Variants in ABRAXAS2 observed in about 807,000 individuals in gnomAD.
ABRAXAS2 encodes BRISC complex subunit Abraxas 2.
ABRAXAS2 carries 23 observed loss-of-function variants against 49.0 expected under a neutral mutation model. The observed-to-expected ratio is 0.47, with a 90% CI of 0.34 to 0.66. The LOEUF is 0.66. ABRAXAS2 is among the 30% of genes least tolerant of loss of function. The pLI, the probability that ABRAXAS2 is intolerant of heterozygous loss-of-function variation, is 0.01. For missense variants in ABRAXAS2, 443 were observed against 511.9 expected, an observed-to-expected ratio of 0.87 and a Z score of 1.30; for synonymous variants, 168 against 180.2, an observed-to-expected ratio of 0.93 and a Z score of 0.54.
At chr10:124,807,680 A>T (rs1226711943) in intron 2 of ABRAXAS2, among the ~76,000 whole-genome samples, 1 of 152,236 alleles carries the variant, frequency 6.6e-6, no homozygotes, top group Non-Finnish European at 1.5e-5. Context: ...TTATGTCAGT[A>T]TAAAGTCAGA....
chr10:124,807,784 CTTGA>C (rs1223802374), intron 2 of ABRAXAS2, among the ~76,000 whole-genome samples: 1 of 152,182 alleles, frequency 6.6e-6, no homozygotes, highest in East Asian at 1.9e-4. Context: ...TGTGTGACCA[CTTGA>C]TTGATAGTCT....
chr10:124,813,457 C>G (rs1950803810), intron 2 of ABRAXAS2, among the ~76,000 whole-genome samples: 1 of 152,178 alleles, frequency 6.6e-6, no homozygotes, highest in Non-Finnish European at 1.5e-5. Context: ...GCAAGAACAA[C>G]AGTACCACAC....
chr10:124,828,349 C>T (rs1343496856), intron 5 of ABRAXAS2, among the ~76,000 whole-genome samples: 1 of 151,870 alleles, frequency 6.6e-6, no homozygotes, highest in Non-Finnish European at 1.5e-5. Flanking sequence ...CCACGCATGC[C>T]CTTTTTAAAA....
At chr10:124,814,792 G>A (rs1018006452) in intron 2 of ABRAXAS2, among the ~76,000 whole-genome samples, 17 of 151,820 alleles carry the variant, frequency 1.1e-4, no homozygotes, top group African/African-American at 2.9e-4. Context: ...GATTACAGGC[G>A]CGCGCCACCA....
At chr10:124,808,384 G>A (rs1356454765) in intron 2 of ABRAXAS2, among the ~76,000 whole-genome samples, 1 of 152,046 alleles carries the variant, frequency 6.6e-6, no homozygotes, top group Admixed American at 6.6e-5. Context: ...CACCGTGTTA[G>A]CCAGGACGGT....
At position 124,820,692 on chromosome 10, in the gene ABRAXAS2, G is replaced by A. The variant is rs189984717; in HGVS notation, c.267+1242G>A. On this transcript the variant is annotated intron_variant, in intron 4 of 8. Transcript: ENST00000298492. ...AGACAGGGTTTCACCATGTTGCCCAGGCTGGTCTCGAACTCAAGTGATCCA... is the reference window on the plus strand; with the variant it reads ...AGACAGGGTTTCACCATGTTGCCCAAGCTGGTCTCGAACTCAAGTGATCCA... Among the ~76,000 whole-genome samples the A allele has an allele frequency of 4.9e-3, 743 of 151,788 alleles. 7 individuals carry two copies. The highest frequency in any genetic ancestry group is 8.5e-3 in the Non-Finnish European group (578 of 67,924).
chr10:124,829,093 C>T (rs985052617), intron 6 of ABRAXAS2, among the ~76,000 whole-genome samples: 2 of 152,054 alleles, frequency 1.3e-5, no homozygotes, highest in African/African-American at 4.8e-5. Context: ...AATCATTTGC[C>T]ACAATATTTT....
chr10:124,807,312 CAAAAAA>C (rs764661303), intron 2 of ABRAXAS2, among the ~76,000 whole-genome samples: 3 of 34,054 alleles, frequency 8.8e-5, no homozygotes, highest in African/African-American at 1.2e-4. Flanking sequence ...GACTCTGTCT[CAAAAAA>C]AAAAAAAAAA....
In ABRAXAS2 at chr10:124,801,917, C is replaced by A. The variant is rs1209812670; in HGVS notation, c.72+16C>A. ...CGCGGACCACGTAGGTGCCGGGCCC[C>A]CTGCCGCGCCCGCTGGGGGCTTTCA... On this transcript the variant is annotated intron_variant, in intron 1 of 8. Coordinates refer to ENST00000298492, the MANE Select transcript of ABRAXAS2 (RefSeq NM_032182.4). The A allele has an allele frequency of 6.2e-7, 1 of 1,610,912 alleles. No individual in the cohort carries two copies. The highest frequency in any genetic ancestry group is 1.7e-5 in the Admixed American group (1 of 59,862).
chr10:124,811,127 C>T (rs745659638), intron 2 of ABRAXAS2, among the ~76,000 whole-genome samples: 2 of 151,722 alleles, frequency 1.3e-5, no homozygotes, highest in African/African-American at 4.8e-5. Flanking sequence ...AGGAGAATGA[C>T]GTGAACCCGG....
Position 124,813,783 on chromosome 10 carries a change from G to T in ABRAXAS2, c.164-2793G>T, listed in dbSNP as rs140696042. ...CTTTAGCGTGCTTCTAATCCAGTTTGTAAATTTGAAAGAAACTGCTTTGGT... is the reference window on the plus strand; with the variant it reads ...CTTTAGCGTGCTTCTAATCCAGTTTTTAAATTTGAAAGAAACTGCTTTGGT... On this transcript the variant is annotated intron_variant, in intron 2 of 8. Transcript: ENST00000298492. Among the ~76,000 whole-genome samples the T allele has an allele frequency of 8.5e-5, 13 of 152,274 alleles. No individual in the cohort carries two copies. In the East Asian group the frequency reaches 2.3e-3, roughly 27 times the overall value.
At position 124,813,812 on chromosome 10, in the gene ABRAXAS2, A is replaced by G. The variant is rs1589804660; in HGVS notation, c.164-2764A>G. ...ATTTGAAAGAAACTGCTTTGGTAAC[A>G]GTGCACATTCAGAGTTCAGAACTTA... On this transcript the variant is annotated intron_variant, in intron 2 of 8. Coordinates refer to ENST00000298492, the MANE Select transcript of ABRAXAS2 (RefSeq NM_032182.4). Among the ~76,000 whole-genome samples, 3 of 152,314 alleles carry G rather than the reference A, an allele frequency of 2.0e-5. No individual in the cohort carries two copies. In the South Asian group the frequency reaches 6.2e-4, roughly 32 times the overall value.
At chr10:124,827,652 G>A (rs762017461) in intron 5 of ABRAXAS2, among the ~76,000 whole-genome samples, 26 of 151,514 alleles carry the variant, frequency 1.7e-4, no homozygotes, top group Admixed American at 2.6e-4. Context: ...TGCTGTGGAA[G>A]TCTGATTATA....
chr10:124,817,058 C>T (rs974837211), intron 3 of ABRAXAS2, among the ~76,000 whole-genome samples: 6 of 152,118 alleles, frequency 3.9e-5, no homozygotes, highest in African/African-American at 1.4e-4. Context: ...TAGTACTGAA[C>T]CCTATCTATA....
At chr10:124,813,245 G>A (rs1950802491) in intron 2 of ABRAXAS2, among the ~76,000 whole-genome samples, 1 of 152,162 alleles carries the variant, frequency 6.6e-6, no homozygotes, top group South Asian at 2.1e-4. Flanking sequence ...TGAAATGTCT[G>A]CATCTTGTTT....
At chr10:124,805,188 C>A (rs1292311807) in intron 1 of ABRAXAS2, among the ~76,000 whole-genome samples, 1 of 151,846 alleles carries the variant, frequency 6.6e-6, no homozygotes, top group African/African-American at 2.4e-5. Context: ...AAAAAATTAG[C>A]CGGGCGCGGT....
In ABRAXAS2 at chr10:124,834,531, A is replaced by G; in HGVS notation, c.808A>G (p.Met270Val). ...RLQQAVLSRQ[M>V]PSESLDPAFS... ...GCAGCAGGCAGTGTTAAGCAGACAGATGCCGTCTGAAAGCTTGGACCCAGC... is the reference window on the plus strand; with the variant it reads ...GCAGCAGGCAGTGTTAAGCAGACAGGTGCCGTCTGAAAGCTTGGACCCAGC... Residue 270 changes from methionine to valine, a missense_variant, in exon 9 of 9, where the codon ATG becomes GTG. Met to Val is a conservative substitution (Grantham distance 21). Transcript: ENST00000298492. 6.2e-7 allele frequency: 1 copy of G among 1,614,086 alleles called. No individual in the cohort carries two copies. Among genetic ancestry groups the G allele is most frequent in the Non-Finnish European group, 8.5e-7 (1 of 1,179,984 alleles).
chr10:124,834,359 C>G (rs1446886441), intron 8 of ABRAXAS2, 143 bp from the exon 9 acceptor site: 3 of 656,098 alleles, frequency 4.6e-6, no homozygotes, highest in African/African-American at 1.8e-5. Context: ...AAGTACTATG[C>G]AATTGTAAAA....
chr10:124,834,646 A>C lies in ABRAXAS2; in HGVS notation c.923A>C (p.Tyr308Ser). 1 of 1,613,768 alleles carries C rather than the reference A, an allele frequency of 6.2e-7. No homozygotes were observed. The highest frequency in any genetic ancestry group is 8.5e-7 in the Non-Finnish European group (1 of 1,179,942). The stretch of plus-strand genomic sequence containing the variant: ...GAGGCCTCGGATCCTCCTCCCCCTT[A>C]CTCTGATTTTCACCCAAACAATCAA... ...DAEASDPPPP[Y>S]SDFHPNNQES... Residue 308 changes from tyrosine to serine, a missense_variant, in exon 9 of 9, where the codon TAC becomes TCC. Tyr to Ser is a moderately radical substitution (Grantham distance 144, BLOSUM62 -2). Around this residue, in one of 3 missense-constraint regions of ABRAXAS2, gnomAD observed 230 missense variants for 237.0 expected, o/e 0.97. Coordinates refer to ENST00000298492, the MANE Select transcript of ABRAXAS2 (RefSeq NM_032182.4).
Sources: gnomAD v4.1 joint callset for allele counts (sites outside exome capture counted in the v4.1 genomes callset) on GRCh38, gnomAD v4.1.1 for gene constraint, gnomAD v4.1.1 regional missense constraint, MANE v1.5 for transcripts, NCBI Gene and HGNC (gene_info 2026-07-23, HGNC 2026-07-21) for gene names.